RNF149: variants seen among roughly 807,000 people sequenced by gnomAD.
The protein encoded by RNF149 is E3 ubiquitin-protein ligase RNF149.
RNF149 carries 21 observed loss-of-function variants against 39.0 expected under a neutral mutation model. The observed-to-expected ratio is 0.54, with a 90% CI of 0.38 to 0.77. RNF149 has a LOEUF of 0.77. Among genes scored for constraint, RNF149 ranks in the 30% least tolerant of loss-of-function variants. The pLI is 0.00. For synonymous variants in RNF149, 209 were observed against 213.6 expected (o/e 0.98, Z 0.19); for missense variants, 493 against 534.9 (o/e 0.92, Z 0.77).
At chr2:101,304,835 ATTTTTTTTTTT>A (rs11340908) in intron 1 of RNF149, among the ~76,000 whole-genome samples, 3 of 89,750 alleles carry the variant, frequency 3.3e-5, no homozygotes, top group Admixed American at 1.2e-4. Context: ...GACTACTAGT[ATTTTTTTTTTT>A]TTTTTTTTTT....
intron 1 of RNF149, among the ~76,000 whole-genome samples, chr2:101,305,812 A>G (rs537632911): frequency 6.6e-6 from 1 of 151,704 alleles, no homozygotes; most frequent in Admixed American, 6.6e-5. Flanking sequence ...AATCTTTTAA[A>G]CTCCTTGAGC....
chr2:101,302,229 G>A (rs1044144350), intron 1 of RNF149, among the ~76,000 whole-genome samples: 8 of 152,096 alleles, frequency 5.3e-5, no homozygotes, highest in Non-Finnish European at 8.8e-5. Context: ...AAGCAGTGAC[G>A]GCCCATAAAA....
chr2:101,282,205 A>T (rs1682620230), intron 5 of RNF149, 148 bp from the exon 6 acceptor site: 10 of 1,188,450 alleles, frequency 8.4e-6, no homozygotes, highest in Non-Finnish European at 9.1e-6. Context: ...TCCCTTATCT[A>T]GTATCACAAG....
intron 3 of RNF149, 25 bp from the exon 4 acceptor site, chr2:101,289,080 AC>A (rs1268598420): frequency 2.2e-6 from 3 of 1,373,880 alleles, no homozygotes; most frequent in Non-Finnish European, 3.1e-6. Context: ...GGAAAGTGTT[AC>A]TACATTCTTG....
chr2:101,278,687 T>G (rs1468934682), intron 6 of RNF149, among the ~76,000 whole-genome samples: 1 of 152,224 alleles, frequency 6.6e-6, no homozygotes, highest in Non-Finnish European at 1.5e-5. Context: ...ACATTTAAAA[T>G]CTACTCTTTG....
chr2:101,278,958 C>G (rs1206817821), intron 6 of RNF149, among the ~76,000 whole-genome samples: 2 of 152,216 alleles, frequency 1.3e-5, no homozygotes, highest in African/African-American at 4.8e-5. Flanking sequence ...ACATTCATTT[C>G]CTAGTTGCTC....
chr2:101,271,939 A>C (rs1682145504), downstream of RNF149, among the ~76,000 whole-genome samples: 1 of 152,248 alleles, frequency 6.6e-6, no homozygotes, highest in Non-Finnish European at 1.5e-5. Flanking sequence ...GTAGCACACT[A>C]AATGATTCAC....
In RNF149 at chr2:101,275,912, T is replaced by C; in HGVS notation, c.*1326A>G. On this transcript the variant is annotated 3_prime_UTR_variant, in exon 7 of 7. Coordinates refer to ENST00000295317, the MANE Select transcript of RNF149 (RefSeq NM_173647.4). ...AACTCAGTGTGCAAAGCGAAATACA[T>C]TTTCTACTTCAATAGCTCCTCATAC... The C allele has an allele frequency of 1.0e-6, 1 of 985,360 alleles. No individual in the cohort carries two copies. Among genetic ancestry groups the C allele is most frequent in the Non-Finnish European group, 1.2e-6 (1 of 829,856 alleles). The allele number at this position is 985,360 out of a possible 1,614,324, so 61.0% of individuals were successfully genotyped here.
rs958724704 is a variant in RNF149, at chr2:101,281,700, T to C, written c.1159+159A>G. 1.2e-5 allele frequency: 9 copies of C among 782,380 alleles called. No homozygotes were observed. The African/African-American group carries it at 1.2e-4, about 11-fold the overall frequency. The allele number at this position is 782,380 out of a possible 1,614,324, so 48.5% of individuals were successfully genotyped here. ...AGTTTTTGTAGAGATGGGGTCTCAC[T>C]ATGCTGCCCAGGCTGTTCTCAAATT... On this transcript the variant is annotated intron_variant, in intron 6 of 6. Transcript: ENST00000295317.
At chr2:101,299,245 G>A (rs1683360314) in intron 1 of RNF149, among the ~76,000 whole-genome samples, 1 of 152,208 alleles carries the variant, frequency 6.6e-6, no homozygotes, top group Admixed American at 6.5e-5. Context: ...TTTTATTGTG[G>A]AGAGAAATTT....
chr2:101,273,495 G>A (rs901622417), downstream of RNF149, among the ~76,000 whole-genome samples: 4 of 49,008 alleles, frequency 8.2e-5, no homozygotes, highest in Non-Finnish European at 1.7e-4. Context: ...TTTTTTTTTT[G>A]ACAGGGTCTC....
rs150185063 is a variant in RNF149, at chr2:101,299,876, C to G, written c.461-4695G>C. 2.8e-3 allele frequency among the ~76,000 whole-genome samples: 423 copies of G among 152,358 alleles called. 1 individual carries two copies. The highest frequency in any genetic ancestry group is 4.9e-3 in the Non-Finnish European group (332 of 68,038). Reference sequence around the variant, plus strand: ...CACCTGAAAAAGCCAGTTCTAAAGTCTGAAGACCCAGCTCCGAGGTAACGT... The same window carrying G: ...CACCTGAAAAAGCCAGTTCTAAAGTGTGAAGACCCAGCTCCGAGGTAACGT... On this transcript the variant is annotated intron_variant, in intron 1 of 6. Coordinates refer to ENST00000295317, the MANE Select transcript of RNF149 (RefSeq NM_173647.4).
Position 101,276,397 on chromosome 2 carries a change from A to C in RNF149, c.*841T>G. On this transcript the variant is annotated 3_prime_UTR_variant, in exon 7 of 7. Coordinates refer to ENST00000295317, the MANE Select transcript of RNF149 (RefSeq NM_173647.4). ...CTAATCAAGAAAACTGGTTATTTCG[A>C]GTCAACAACAAAAACTAAAATTCTA... is the stretch of plus-strand genomic sequence containing the variant. 1.0e-6 allele frequency: 1 copy of C among 985,920 alleles called. No homozygotes were observed. Among genetic ancestry groups the C allele is most frequent in the Non-Finnish European group, 1.2e-6 (1 of 829,942 alleles). The allele number at this position is 985,920 out of a possible 1,614,324, so 61.1% of individuals were successfully genotyped here. A position where few individuals can be genotyped will look rare whatever the true frequency, so the allele number is the denominator to read the frequency against.
At position 101,307,964 on chromosome 2, in the gene RNF149, G is replaced by A. The variant is rs1346039531; in HGVS notation, c.460+165C>T. On this transcript the variant is annotated intron_variant, in intron 1 of 6. Transcript: ENST00000295317. ...TACCTCCCTCCCAACAGCGATCGGG[G>A]AGCCGCACCGAGCAAACGAGGGCTT... 4.1e-6 allele frequency: 4 copies of A among 985,322 alleles called. No individual in the cohort carries two copies. In the African/African-American group the frequency reaches 7.0e-5, roughly 17 times the overall value. The allele number at this position is 985,322 out of a possible 1,614,324, so 61.0% of individuals were successfully genotyped here.
chr2:101,278,400 C>G (rs1315751306), intron 6 of RNF149, among the ~76,000 whole-genome samples: 1 of 152,136 alleles, frequency 6.6e-6, no homozygotes, highest in Non-Finnish European at 1.5e-5. Flanking sequence ...CACCCTACCT[C>G]CAAAAGTGCT....
Position 101,276,257 on chromosome 2 carries a change from C to T in RNF149, c.*981G>A. ...GTGTGTGTTTAATCACTTTTTAACA[C>T]TTAGCAGTCTCCAAAAGCTTTGCAT... On this transcript the variant is annotated 3_prime_UTR_variant, in exon 7 of 7. Transcript: ENST00000295317. 1 of 985,392 alleles carries T rather than the reference C, an allele frequency of 1.0e-6. No homozygotes were observed. Among genetic ancestry groups the T allele is most frequent in the African/African-American group, 1.7e-5 (1 of 57,326 alleles). 61.0% of individuals were successfully genotyped at this position (985,392 alleles called of 1,614,324 possible).
rs1186529532 is a variant in RNF149 at position 101,277,134 on chromosome 2, T to C, written c.*104A>G. 6.7e-7 allele frequency: 1 copy of C among 1,494,824 alleles called. No individual in the cohort carries two copies. The highest frequency in any genetic ancestry group is 9.1e-7 in the Non-Finnish European group (1 of 1,104,850). The allele number at this position is 1,494,824 out of a possible 1,614,324, so 92.6% of individuals were successfully genotyped here. On this transcript the variant is annotated 3_prime_UTR_variant, in exon 7 of 7. Coordinates refer to ENST00000295317, the MANE Select transcript of RNF149 (RefSeq NM_173647.4). ...TCAGAATCTAATAGGTAAAATAATA[T>C]ACATTATTTTCAAATATACAAATTA... is the stretch of plus-strand genomic sequence containing the variant.
chr2:101,279,266 TCCA>T (rs1682481772), intron 6 of RNF149, among the ~76,000 whole-genome samples: 1 of 152,238 alleles, frequency 6.6e-6, no homozygotes, highest in Non-Finnish European at 1.5e-5. Context: ...AGCTGCTTCT[TCCA>T]CCTTCTTTAT....
chr2:101,293,738 G>A (rs1435212446), intron 3 of RNF149, among the ~76,000 whole-genome samples: 1 of 152,136 alleles, frequency 6.6e-6, no homozygotes, highest in Non-Finnish European at 1.5e-5. Context: ...TACCACTTTC[G>A]TCACTGCTGG....
Sources: gnomAD v4.1 joint callset for allele counts (sites outside exome capture counted in the v4.1 genomes callset) on GRCh38, gnomAD v4.1.1 for gene constraint, MANE v1.5 for transcripts, NCBI Gene and HGNC (gene_info 2026-07-23, HGNC 2026-07-21) for gene names.